Variants in PLEKHH2 observed in about 807,000 individuals in gnomAD.
PLEKHH2 encodes pleckstrin homology domain-containing family H member 2.
PLEKHH2 carries 129 observed loss-of-function variants against 187.9 expected under a neutral mutation model. That is an observed-to-expected ratio of 0.69 (90% confidence interval 0.59 to 0.79). The LOEUF is 0.79. Ranked by LOEUF, PLEKHH2 falls within the 30% of genes least tolerant of loss-of-function variation. PLEKHH2 has a pLI of 0.00. For synonymous variants in PLEKHH2, 686 were observed against 605.6 expected, an observed-to-expected ratio of 1.13 and a Z score of -1.95; for missense variants, 2,076 against 1,751.2, an observed-to-expected ratio of 1.19 and a Z score of -3.31.
chr2:43,763,474 C>T (rs1483354360), intron 28 of PLEKHH2, among the ~76,000 whole-genome samples: 2 of 151,752 alleles, frequency 1.3e-5, no homozygotes, highest in African/African-American at 2.4e-5. Flanking sequence ...GACTGAAGTG[C>T]GGTGGTGTGA....
At chr2:43,716,775 A>G (rs529552753) in intron 15 of PLEKHH2, among the ~76,000 whole-genome samples, 4 of 152,346 alleles carry the variant, frequency 2.6e-5, no homozygotes, top group South Asian at 4.1e-4. Context: ...TTAATGTTTT[A>G]TTATGGGCAT....
At chr2:43,722,297 C>A (rs557477876) in intron 16 of PLEKHH2, among the ~76,000 whole-genome samples, 1 of 150,392 alleles carries the variant, frequency 6.6e-6, no homozygotes, top group African/African-American at 2.5e-5. Context: ...TGTGGACATA[C>A]GTAAATATTA....
In PLEKHH2 at chr2:43,665,664, C is replaced by G. The variant is rs1667159702; in HGVS notation, c.124-13199C>G. Among the ~76,000 whole-genome samples, 3 of 37,410 alleles carry G rather than the reference C, an allele frequency of 8.0e-5. 1 individual carries two copies. The South Asian group carries it at 2.7e-3, about 34-fold the overall frequency. 24.5% of individuals were successfully genotyped at this position (37,410 alleles called of 152,430 possible). A position where few individuals can be genotyped will look rare whatever the true frequency, so the allele number is the denominator to read the frequency against. On this transcript the variant is annotated intron_variant, in intron 2 of 29. Coordinates refer to ENST00000282406, the MANE Select transcript of PLEKHH2 (RefSeq NM_172069.4). Reference sequence around the variant, plus strand: ...CAGATGGGTTTTCGGTGTGGATGTCCTTTCTGTTTGTTAGTTTTCCTTCTA... The same window carrying G: ...CAGATGGGTTTTCGGTGTGGATGTCGTTTCTGTTTGTTAGTTTTCCTTCTA...
intron 3 of PLEKHH2, among the ~76,000 whole-genome samples, chr2:43,687,960 C>G (rs997949110): frequency 6.6e-6 from 1 of 152,030 alleles, no homozygotes; most frequent in South Asian, 2.1e-4. Context: ...CTATACTCAG[C>G]TAATATTTTA....
chr2:43,734,785 G>C (rs2104579861), intron 19 of PLEKHH2, among the ~76,000 whole-genome samples: 1 of 152,312 alleles, frequency 6.6e-6, no homozygotes, highest in East Asian at 1.9e-4. Context: ...ATATTGAAGA[G>C]ATATCGGGAT....
chr2:43,644,644 TTTTG>T (rs779913532), intron 1 of PLEKHH2, 23 bp from the exon 2 acceptor site: 9 of 1,472,546 alleles, frequency 6.1e-6, no homozygotes, highest in South Asian at 4.0e-5. Flanking sequence ...CTTTTTAATT[TTTTG>T]TTTATTTATT....
At chr2:43,640,211 CT>C (rs34494657) in intron 1 of PLEKHH2, among the ~76,000 whole-genome samples, 90,712 of 143,502 alleles carry the variant, frequency 0.63, 28,962 homozygotes, top group African/African-American at 0.76. Flanking sequence ...TATATTTAAA[CT>C]TTTTTTTTTT....
chr2:43,711,015 G>A, intron 14 of PLEKHH2: 2 of 996,300 alleles, frequency 2.0e-6, no homozygotes, highest in Non-Finnish European at 2.4e-6. Flanking sequence ...ACCAAAGTGG[G>A]AAATATATTG....
intron 4 of PLEKHH2, among the ~76,000 whole-genome samples, chr2:43,694,152 T>A (rs13390483): frequency 0.017 from 2,528 of 152,308 alleles, 88 homozygotes; most frequent in African/African-American, 0.058. Flanking sequence ...AGAAATGGCT[T>A]ATTTTGTTGA....
intron 19 of PLEKHH2, among the ~76,000 whole-genome samples, chr2:43,733,807 C>T (rs767048815): frequency 1.3e-5 from 2 of 152,100 alleles, no homozygotes; most frequent in African/African-American, 4.8e-5. Context: ...ATGCTGTTCT[C>T]TCTACTTTTA....
intron 2 of PLEKHH2, among the ~76,000 whole-genome samples, chr2:43,665,477 CAA>C (rs1667152444): frequency 7.9e-6 from 1 of 126,356 alleles, no homozygotes; most frequent in Non-Finnish European, 1.6e-5. Flanking sequence ...CTCAGCTCGT[CAA>C]AGTCATTCTC....
intron 8 of PLEKHH2, among the ~76,000 whole-genome samples, chr2:43,703,300 G>A (rs937200552): frequency 6.6e-6 from 1 of 152,198 alleles, no homozygotes; most frequent in Non-Finnish European, 1.5e-5. Flanking sequence ...AACCTGTCCA[G>A]TACCTGTTTC....
chr2:43,718,267 C>T (rs1670307799), intron 15 of PLEKHH2, among the ~76,000 whole-genome samples: 1 of 152,136 alleles, frequency 6.6e-6, no homozygotes. Context: ...AGGCCAGGCA[C>T]AGTGGCTCAC....
chr2:43,741,196 C>G lies in PLEKHH2; in HGVS notation c.3221+153C>G, dbSNP rs1389016979. On this transcript the variant is annotated intron_variant, in intron 21 of 29. Coordinates refer to ENST00000282406, the MANE Select transcript of PLEKHH2 (RefSeq NM_172069.4). ...GCCTTTGGTTATCATTGATGTGGAG[C>G]TAGGAAAATATTTCCTTTGTTATGT... 11 of 554,262 alleles carry G rather than the reference C, an allele frequency of 2.0e-5. No homozygotes were observed. The East Asian group carries it at 3.1e-4, about 15-fold the overall frequency. The allele number at this position is 554,262 out of a possible 1,614,324, so 34.3% of individuals were successfully genotyped here. A position where few individuals can be genotyped will look rare whatever the true frequency, so the allele number is the denominator to read the frequency against.
intron 2 of PLEKHH2, among the ~76,000 whole-genome samples, chr2:43,648,130 C>T (rs1666273282): frequency 6.6e-6 from 1 of 152,162 alleles, no homozygotes; most frequent in South Asian, 2.1e-4. Context: ...AATAGAGCGT[C>T]TGGCACACAG....
At chr2:43,753,828 C>T (rs922359455) in intron 25 of PLEKHH2, 68 bp downstream of exon 25, 78 of 1,248,578 alleles carry the variant, frequency 6.2e-5, no homozygotes, top group Middle Eastern at 2.4e-4. Flanking sequence ...CTGAATTAAA[C>T]GTAAAATAAT....
intron 2 of PLEKHH2, among the ~76,000 whole-genome samples, chr2:43,669,883 G>A (rs553027256): frequency 6.3e-4 from 96 of 152,106 alleles, no homozygotes; most frequent in Non-Finnish European, 1.2e-3. Context: ...TTGAAACAAT[G>A]ACTAGTATTG....
chr2:43,704,717 T>C (rs1452580195), intron 9 of PLEKHH2, among the ~76,000 whole-genome samples: 3 of 151,468 alleles, frequency 2.0e-5, no homozygotes, highest in African/African-American at 7.3e-5. Flanking sequence ...TGTTCTGTGT[T>C]TTTTCCCACA....
intron 24 of PLEKHH2, among the ~76,000 whole-genome samples, chr2:43,747,561 C>G (rs1385776852): frequency 6.6e-6 from 1 of 152,206 alleles, no homozygotes; most frequent in Admixed American, 6.5e-5. Context: ...TGGTAATGTA[C>G]TTTGGCATGT....
Sources: allele counts gnomAD v4.1 joint callset (sites outside exome capture counted in the v4.1 genomes callset), GRCh38; gene constraint gnomAD v4.1.1; transcripts MANE v1.5; gene names NCBI Gene and HGNC (gene_info 2026-07-23, HGNC 2026-07-21).